CRACD: variants seen among roughly 807,000 people sequenced by gnomAD.
CRACD encodes capping protein inhibiting regulator of actin dynamics.
A neutral mutation model predicts 106.8 loss-of-function variants in CRACD; 56 were observed. That is an observed-to-expected ratio of 0.52 (90% CI 0.42 to 0.66). The LOEUF is 0.66. Among genes scored for constraint, CRACD ranks in the 30% least tolerant of loss-of-function variants. The pLI is 0.00. For missense variants in CRACD, 1,730 were observed against 1,623.2 expected (o/e 1.07, Z -1.13); for synonymous variants, 754 against 670.8 (o/e 1.12, Z -1.92).
chr4:56,248,179 G>GAAC (rs955899601), intron 2 of CRACD, among the ~76,000 whole-genome samples: 18 of 152,152 alleles, frequency 1.2e-4, no homozygotes, highest in Non-Finnish European at 2.6e-4. Flanking sequence ...GTGTTACAGA[G>GAAC]AACAGCACAG....
At chr4:56,080,157 A>G (rs1732974405) in intron 1 of CRACD, among the ~76,000 whole-genome samples, 1 of 152,210 alleles carries the variant, frequency 6.6e-6, no homozygotes, top group Non-Finnish European at 1.5e-5. Context: ...AGCCTGGGTA[A>G]CATAGTGAGA....
At chr4:56,121,204 CA>C (rs1316839210) in intron 1 of CRACD, among the ~76,000 whole-genome samples, 4 of 152,080 alleles carry the variant, frequency 2.6e-5, no homozygotes, top group African/African-American at 7.2e-5. Flanking sequence ...CAATAAATTT[CA>C]ATTGTAAAGA....
At chr4:56,215,224 T>G (rs1325664023) in intron 2 of CRACD, among the ~76,000 whole-genome samples, 1 of 152,148 alleles carries the variant, frequency 6.6e-6, no homozygotes, top group Admixed American at 6.5e-5. Context: ...TCTCACTATG[T>G]TGCCCAGGCT....
chr4:56,232,215 TAC>T (rs1352860036), intron 2 of CRACD, among the ~76,000 whole-genome samples: 2 of 152,218 alleles, frequency 1.3e-5, no homozygotes, highest in East Asian at 3.8e-4. Flanking sequence ...AATGGTATCA[TAC>T]AGTGTATTCT....
At position 56,314,073 on chromosome 4, in the gene CRACD, C is replaced by T. The variant is rs746156043; in HGVS notation, c.571C>T (p.Arg191Trp). The change falls in exon 8 of 11, where the codon CGG (arginine) becomes TGG (tryptophan). Residue 191 changes from arginine to tryptophan, a missense_variant. Around this residue, in one of 5 missense-constraint regions of CRACD, gnomAD observed 1,620 missense variants for 1,481.6 expected, o/e 1.09. Coordinates refer to ENST00000682029, the MANE Select transcript of CRACD (RefSeq NM_001393381.1). This position sits in a 1 kb window ranked among gnomAD's most constrained non-coding sequence, Gnocchi z 4.4. ...ACATGAGCAAGGCGGCCTTGAGAGT[C>T]GGCCCTGCCTGGACCAGAACGGACA... ...PQHEQGGLES[R>W]PCLDQNGHPG... The T allele has an allele frequency of 1.9e-6, 3 of 1,613,988 alleles. No individual in the cohort carries two copies. Among genetic ancestry groups the T allele is most frequent in the Admixed American group, 3.3e-5 (2 of 59,992 alleles).
intron 1 of CRACD, among the ~76,000 whole-genome samples, chr4:56,098,489 C>G (rs1173537311): frequency 6.6e-6 from 1 of 151,976 alleles, no homozygotes; most frequent in Non-Finnish European, 1.5e-5. Flanking sequence ...TTTAAAAAAG[C>G]AAATTAATTA....
intron 1 of CRACD, among the ~76,000 whole-genome samples, chr4:56,166,543 G>A (rs1021120938): frequency 1.1e-4 from 16 of 151,824 alleles, no homozygotes; most frequent in Non-Finnish European, 2.4e-4. Flanking sequence ...AGCTGGGTGT[G>A]GTGGTGCATG....
At chr4:56,087,531 A>C (rs1733271237) in intron 1 of CRACD, among the ~76,000 whole-genome samples, 1 of 152,002 alleles carries the variant, frequency 6.6e-6, no homozygotes, top group South Asian at 2.1e-4. Context: ...AGTTTACCTG[A>C]TTCTTTCTGA....
At chr4:56,173,785 T>G (rs1736473610) in intron 1 of CRACD, among the ~76,000 whole-genome samples, 1 of 152,246 alleles carries the variant, frequency 6.6e-6, no homozygotes, top group African/African-American at 2.4e-5. Flanking sequence ...TAAATGTTTT[T>G]AGAGACACCA....
chr4:56,083,437 T>C (rs964945250), intron 1 of CRACD, among the ~76,000 whole-genome samples: 3 of 152,164 alleles, frequency 2.0e-5, no homozygotes, highest in Non-Finnish European at 4.4e-5. Flanking sequence ...ATTAACTGGT[T>C]AGACTGAACT....
chr4:56,275,342 CT>C (rs1742617347), intron 3 of CRACD, among the ~76,000 whole-genome samples: 1 of 152,128 alleles, frequency 6.6e-6, no homozygotes, highest in South Asian at 2.1e-4. Flanking sequence ...TTAATCCCTG[CT>C]GCTCGGGAGG....
intron 1 of CRACD, among the ~76,000 whole-genome samples, chr4:56,113,412 A>C (rs1390755446): frequency 6.6e-6 from 1 of 152,228 alleles, no homozygotes; most frequent in Non-Finnish European, 1.5e-5. Context: ...TAGTTTGCAA[A>C]AAGCTGTTCA....
chr4:56,189,800 TTTTA>T (rs1284747686), intron 2 of CRACD, among the ~76,000 whole-genome samples: 2 of 147,092 alleles, frequency 1.4e-5, no homozygotes, highest in Non-Finnish European at 3.0e-5. Flanking sequence ...TTTTTTTAAA[TTTTA>T]TTTATTATTA....
At chr4:56,068,057 T>A (rs1475208411) in intron 1 of CRACD, among the ~76,000 whole-genome samples, 1 of 151,870 alleles carries the variant, frequency 6.6e-6, no homozygotes, top group Non-Finnish European at 1.5e-5. Flanking sequence ...ATAAGAGAGG[T>A]CATATTTCAG....
intron 1 of CRACD, among the ~76,000 whole-genome samples, chr4:56,117,316 C>T (rs10030394): frequency 0.046 from 7,020 of 152,110 alleles, 267 homozygotes; most frequent in Admixed American, 0.085. Context: ...CCTCCGTGCC[C>T]GGCCCGAATT....
chr4:56,307,574 C>T lies in CRACD; in HGVS notation c.160C>T (p.Pro54Ser). ...GKNIKFGQRS[P>S]NAIPMNKANS... ...GAATATCAAGTTTGGGCAGCGGTCA[C>T]CCAATGCCATTCCCATGAATAAGGC... is the stretch of plus-strand genomic sequence containing the variant. The change falls in exon 5 of 11, where the codon CCC (proline) becomes TCC (serine). Residue 54 changes from proline to serine, a missense_variant. This residue lies in a region of CRACD where 1,620 missense variants were observed against 1,481.6 expected (regional missense o/e 1.09). Coordinates refer to ENST00000682029, the MANE Select transcript of CRACD (RefSeq NM_001393381.1). 6.2e-7 allele frequency: 1 copy of T among 1,614,192 alleles called. No homozygotes were observed. The highest frequency in any genetic ancestry group is 8.5e-7 in the Non-Finnish European group (1 of 1,180,036).
chr4:56,192,378 G>A (rs896316740), intron 2 of CRACD, among the ~76,000 whole-genome samples: 14 of 151,248 alleles, frequency 9.3e-5, no homozygotes, highest in African/African-American at 3.4e-4. Flanking sequence ...AGTGGCGACA[G>A]AGCAAGACTC....
chr4:56,236,130 A>G (rs1330837367), intron 2 of CRACD, among the ~76,000 whole-genome samples: 1 of 152,240 alleles, frequency 6.6e-6, no homozygotes, highest in African/African-American at 2.4e-5. Flanking sequence ...CAGTAAGGTC[A>G]TTAGGGTGGG....
intron 2 of CRACD, among the ~76,000 whole-genome samples, chr4:56,243,521 AAAAC>A (rs1302594328): frequency 6.6e-6 from 1 of 152,224 alleles, no homozygotes; most frequent in Non-Finnish European, 1.5e-5. Context: ...ACTATATTAA[AAAAC>A]AAAACACCTG....
Sources: allele counts gnomAD v4.1 joint callset (sites outside exome capture counted in the v4.1 genomes callset), GRCh38; gene constraint gnomAD v4.1.1; regional missense constraint gnomAD v4.1.1; non-coding constraint Gnocchi (gnomAD v3.1); transcripts MANE v1.5; gene names NCBI Gene and HGNC (gene_info 2026-07-23, HGNC 2026-07-21).